The following PARD3B variants were observed in gnomAD, a reference collection of about 807,000 sequenced individuals.
PARD3B encodes the protein par-3 family cell polarity regulator beta.
PARD3B carries 103 observed loss-of-function variants against 130.2 expected under a neutral mutation model. The observed-to-expected ratio is 0.79, with a 90% CI of 0.67 to 0.93. The LOEUF (loss-of-function observed/expected upper bound fraction) is 0.93, where lower values mean the gene tolerates loss of function less well. Ranked by LOEUF, PARD3B falls within the 40% of genes least tolerant of loss-of-function variation. The probability of loss-of-function intolerance (pLI) is 0.00; values close to 1 mark genes in which losing one functional copy is unlikely to be tolerated. For missense variants in PARD3B, 1,609 were observed against 1,499.2 expected, an observed-to-expected ratio of 1.07 and a Z score of -1.21; for synonymous variants, 583 against 553.2, an observed-to-expected ratio of 1.05 and a Z score of -0.76.
chr2:205,544,501 G>A (rs1559199899), intron 21 of PARD3B, among the ~76,000 whole-genome samples: 1 of 152,044 alleles, frequency 6.6e-6, no homozygotes, highest in Non-Finnish European at 1.5e-5. Context: ...AGCCAAATTT[G>A]TAAAATTGTA....
chr2:204,920,340 G>A (rs367974932), intron 2 of PARD3B, among the ~76,000 whole-genome samples: 28 of 152,086 alleles, frequency 1.8e-4, no homozygotes, highest in Non-Finnish European at 3.2e-4. Flanking sequence ...GATTCCAATC[G>A]GATTTTTGTA....
At chr2:205,025,983 A>G (rs1269687657) in intron 3 of PARD3B, among the ~76,000 whole-genome samples, 1 of 152,170 alleles carries the variant, frequency 6.6e-6, no homozygotes, top group Admixed American at 6.6e-5. Flanking sequence ...CTTAACAAAC[A>G]TTTATACAGC....
intron 22 of PARD3B, among the ~76,000 whole-genome samples, chr2:205,566,802 G>A (rs1391184064): frequency 3.9e-5 from 6 of 152,204 alleles, no homozygotes; most frequent in Admixed American, 3.9e-4. Flanking sequence ...AATAAAGGCA[G>A]GTCGACAGTG....
At chr2:205,169,717 G>A (rs999855174) in intron 11 of PARD3B, among the ~76,000 whole-genome samples, 1 of 152,074 alleles carries the variant, frequency 6.6e-6, no homozygotes, top group African/African-American at 2.4e-5. Flanking sequence ...CTGTTAACAG[G>A]ACTAGGACCA....
chr2:205,147,030 T>G (rs1016666592), intron 10 of PARD3B, among the ~76,000 whole-genome samples: 6 of 152,164 alleles, frequency 3.9e-5, no homozygotes, highest in Non-Finnish European at 5.9e-5. Flanking sequence ...TCATGTATTT[T>G]AATCACTAAA....
In PARD3B at chr2:205,238,849, A is replaced by AAAT. The variant is rs1273582854; in HGVS notation, c.2141-6928_2141-6927insATA. On this transcript the variant is annotated intron_variant, in intron 15 of 22. Coordinates refer to ENST00000406610, the MANE Select transcript of PARD3B (RefSeq NM_001302769.2). The stretch of plus-strand genomic sequence containing the variant: ...AAACTCCGTTTCAAAAAAAAAAAAA[A>AAAT]ATATATATATATATATATATATATA... Among the ~76,000 whole-genome samples the AAAT allele has an allele frequency of 3.2e-3, 249 of 76,888 alleles. 8 individuals are homozygous for AAAT. Among genetic ancestry groups the AAAT allele is most frequent in the Non-Finnish European group, 3.6e-3 (157 of 43,316 alleles). The allele number at this position is 76,888 out of a possible 152,430, so 50.4% of individuals were successfully genotyped here. A position where few individuals can be genotyped will look rare whatever the true frequency, so the allele number is the denominator to read the frequency against.
chr2:204,843,647 T>C (rs2044340425), intron 2 of PARD3B, among the ~76,000 whole-genome samples: 1 of 152,040 alleles, frequency 6.6e-6, no homozygotes, highest in Non-Finnish European at 1.5e-5. Flanking sequence ...AGTGCTGGGA[T>C]TACAGATGTG....
rs1000762012 is a variant in PARD3B, at chr2:205,407,754, C to A, written c.2741+6631C>A. ...CCAAAGACTGTCTTCCATTGAAGTC[C>A]CATATTACTGACCCTGAAATAATAC... On this transcript the variant is annotated intron_variant, in intron 19 of 22. Coordinates refer to ENST00000406610, the MANE Select transcript of PARD3B (RefSeq NM_001302769.2). The surrounding 1 kb of genome is among the most constrained non-coding windows in gnomAD (Gnocchi z 4.1). Among the ~76,000 whole-genome samples, 3 of 151,942 alleles carry A rather than the reference C, an allele frequency of 2.0e-5. No individual in the cohort carries two copies. The highest frequency in any genetic ancestry group is 2.9e-5 in the Non-Finnish European group (2 of 67,990).
intron 2 of PARD3B, among the ~76,000 whole-genome samples, chr2:204,924,003 A>G (rs1300822602): frequency 1.3e-5 from 2 of 152,070 alleles, no homozygotes; most frequent in East Asian, 3.9e-4. Context: ...TTGATGCATG[A>G]TATTTCAGGA....
At chr2:204,662,969 A>G (rs539391054) in intron 1 of PARD3B, among the ~76,000 whole-genome samples, 32 of 152,216 alleles carry the variant, frequency 2.1e-4, no homozygotes, top group Middle Eastern at 3.4e-3. Context: ...GCATTATCAG[A>G]TTTACTCTCA....
In PARD3B at chr2:205,288,452, C is replaced by T. The variant is rs2041478531; in HGVS notation, c.2186-12078C>T. The stretch of plus-strand genomic sequence containing the variant: ...TGCTGCAAAATATACCACTCTCTTT[C>T]CCTTTAATTTATTCTATGTGTGTCT... On this transcript the variant is annotated intron_variant, in intron 16 of 22. Transcript: ENST00000406610. This position sits in a 1 kb window ranked among gnomAD's most constrained non-coding sequence, Gnocchi z 4.0. Among the ~76,000 whole-genome samples, 1 of 152,092 alleles carries T rather than the reference C, an allele frequency of 6.6e-6. No individual in the cohort carries two copies. The highest frequency in any genetic ancestry group is 2.4e-5 in the African/African-American group (1 of 41,404).
intron 2 of PARD3B, among the ~76,000 whole-genome samples, chr2:204,724,511 A>G (rs1312204359): frequency 6.6e-6 from 1 of 152,128 alleles, no homozygotes; most frequent in Non-Finnish European, 1.5e-5. Context: ...TATTCAGTAT[A>G]AATTTGCTTT....
At chr2:205,224,232 A>G (rs1302067758) in intron 15 of PARD3B, among the ~76,000 whole-genome samples, 80 of 147,232 alleles carry the variant, frequency 5.4e-4, no homozygotes, top group African/African-American at 1.9e-3. Flanking sequence ...TTAGCCGGGC[A>G]TGGTGGCAGG....
chr2:205,109,011 G>A (rs1510767), intron 5 of PARD3B, among the ~76,000 whole-genome samples: 150,211 of 152,246 alleles, frequency 0.99, 74,140 homozygotes, highest in Middle Eastern at 1. Flanking sequence ...ATCGCTTTCT[G>A]TTCTTTTTTA....
intron 2 of PARD3B, among the ~76,000 whole-genome samples, chr2:204,948,075 G>A (rs1188939827): frequency 6.6e-6 from 1 of 152,072 alleles, no homozygotes; most frequent in Admixed American, 6.5e-5. Flanking sequence ...TTGTAAGGTA[G>A]GATGACTTCC....
intron 1 of PARD3B, among the ~76,000 whole-genome samples, chr2:204,648,591 A>G (rs978664190): frequency 1.7e-4 from 21 of 125,830 alleles, no homozygotes; most frequent in African/African-American, 5.0e-4. Flanking sequence ...ATATTATATT[A>G]TATATAATAT....
intron 20 of PARD3B, among the ~76,000 whole-genome samples, chr2:205,490,996 C>G (rs1415705071): frequency 6.6e-6 from 1 of 152,090 alleles, no homozygotes; most frequent in Non-Finnish European, 1.5e-5. Context: ...ATTGTAGATT[C>G]TGGATATTAG....
intron 3 of PARD3B, among the ~76,000 whole-genome samples, chr2:204,995,036 C>T (rs1337160731): frequency 4.0e-5 from 6 of 151,102 alleles, no homozygotes; most frequent in African/African-American, 9.7e-5. Context: ...CTTTATCCAA[C>T]TTGCCAGTCT....
Position 205,617,893 on chromosome 2 carries a change from A to G in PARD3B, c.*2080A>G, listed in dbSNP as rs1299846490. 5 of 152,232 alleles carry G rather than the reference A, an allele frequency of 3.3e-5. No homozygotes were observed. Among genetic ancestry groups the G allele is most frequent in the Admixed American group, 3.3e-4 (5 of 15,286 alleles). The allele number at this position is 152,232 out of a possible 1,614,324, so 9.4% of individuals were successfully genotyped here. On this transcript the variant is annotated 3_prime_UTR_variant, in exon 23 of 23. Coordinates refer to ENST00000406610, the MANE Select transcript of PARD3B (RefSeq NM_001302769.2). ...TATTTTAACCAAACTACTGTAGACTACTAAACATAGCCAAGCCAGAACATT... is the reference window on the plus strand; with the variant it reads ...TATTTTAACCAAACTACTGTAGACTGCTAAACATAGCCAAGCCAGAACATT...
Sources: allele counts gnomAD v4.1 joint callset (sites outside exome capture counted in the v4.1 genomes callset), GRCh38; gene constraint gnomAD v4.1.1; non-coding constraint Gnocchi (gnomAD v3.1); transcripts MANE v1.5; gene names NCBI Gene and HGNC (gene_info 2026-07-23, HGNC 2026-07-21).